XRCC5: variants seen among roughly 807,000 people sequenced by gnomAD.
The protein encoded by XRCC5 is DNA repair protein Ku80.
Under a neutral mutation model 95.7 loss-of-function variants are expected in XRCC5, and 12 were observed. That is an observed-to-expected ratio of 0.13 (90% CI 0.08 to 0.20). XRCC5 has a LOEUF of 0.20. Among genes scored for constraint, XRCC5 ranks in the 10% least tolerant of loss-of-function variants. XRCC5 has a pLI of 1.00. For synonymous variants in XRCC5, 281 were observed against 290.3 expected (o/e 0.97, Z 0.33); for missense variants, 595 against 873.9 (o/e 0.68, Z 4.02).
At chr2:216,184,032 C>CTGTGTGTGGGTGTG (rs1689443150) in intron 16 of XRCC5, among the ~76,000 whole-genome samples, 1 of 145,630 alleles carries the variant, frequency 6.9e-6, no homozygotes, top group South Asian at 2.3e-4. Flanking sequence ...TAAGTCAGCA[C>CTGTGTGTGGGTGTG]TGTGTGTGTG....
intron 16 of XRCC5, among the ~76,000 whole-genome samples, chr2:216,178,047 A>G (rs1431477972): frequency 6.6e-6 from 1 of 152,184 alleles, no homozygotes; most frequent in East Asian, 1.9e-4. Flanking sequence ...TATGAGTAAT[A>G]AACAAAAAGA....
chr2:216,192,856 CATG>C (rs1689643164), intron 18 of XRCC5, 121 bp downstream of exon 18: 4 of 661,154 alleles, frequency 6.1e-6, no homozygotes, highest in African/African-American at 1.9e-5. Flanking sequence ...ATGTGGGAAA[CATG>C]ATGACTTTCT....
chr2:216,117,040 C>A, intron 3 of XRCC5, 198 bp downstream of exon 3: 1 of 609,990 alleles, frequency 1.6e-6, no homozygotes, highest in Non-Finnish European at 2.8e-6. Context: ...CCCAGCCCTC[C>A]ACTCACTTCC....
At chr2:216,142,807 T>C (rs1345117435) in intron 13 of XRCC5, among the ~76,000 whole-genome samples, 2 of 152,152 alleles carry the variant, frequency 1.3e-5, no homozygotes, top group East Asian at 3.8e-4. Context: ...AAACTGCCTG[T>C]TTTTTTGATG....
chr2:216,164,051 A>G (rs1161728715), intron 16 of XRCC5, among the ~76,000 whole-genome samples: 1 of 152,190 alleles, frequency 6.6e-6, no homozygotes, highest in African/African-American at 2.4e-5. Context: ...TCTCTCTTTA[A>G]TGTATTGGAG....
chr2:216,195,544 A>G (rs954066093), intron 19 of XRCC5, among the ~76,000 whole-genome samples: 2 of 151,458 alleles, frequency 1.3e-5, no homozygotes, highest in Non-Finnish European at 2.9e-5. Flanking sequence ...AGGTGATTGT[A>G]TTGTATAGTG....
At chr2:216,132,506 GA>G (rs1697011686) in intron 10 of XRCC5, 119 bp downstream of exon 10, 2 of 955,130 alleles carry the variant, frequency 2.1e-6, no homozygotes, top group Non-Finnish European at 3.3e-6. Flanking sequence ...TAGGAGTGGG[GA>G]AATCCACTGA....
chr2:216,134,082 G>A (rs746877872), intron 10 of XRCC5, among the ~76,000 whole-genome samples: 2 of 152,224 alleles, frequency 1.3e-5, no homozygotes, highest in South Asian at 4.1e-4. Flanking sequence ...TTGTTTTCTT[G>A]TAAGATGATC....
intron 14 of XRCC5, among the ~76,000 whole-genome samples, chr2:216,158,678 C>T (rs1355274653): frequency 6.6e-6 from 1 of 152,130 alleles, no homozygotes; most frequent in Non-Finnish European, 1.5e-5. Flanking sequence ...ACCCTTCTGT[C>T]TTCTACTTTG....
At chr2:216,117,683 G>C in intron 3 of XRCC5, 63 bp from the exon 4 acceptor site, 1 of 1,554,862 alleles carries the variant, frequency 6.4e-7, no homozygotes, top group South Asian at 1.1e-5. Context: ...GACTTCATTG[G>C]AAAGAGTTGC....
chr2:216,166,728 G>A (rs983809629), intron 16 of XRCC5, among the ~76,000 whole-genome samples: 2 of 152,112 alleles, frequency 1.3e-5, no homozygotes, highest in South Asian at 2.1e-4. Context: ...TCAAAAGATA[G>A]ACAGCAGGTT....
At chr2:216,184,369 C>T (rs1298035507) in intron 16 of XRCC5, among the ~76,000 whole-genome samples, 1 of 152,182 alleles carries the variant, frequency 6.6e-6, no homozygotes, top group Non-Finnish European at 1.5e-5. Context: ...TTTAAATATG[C>T]TTTTGAACTT....
chr2:216,141,061 A>C, intron 12 of XRCC5, 125 bp from the exon 13 acceptor site: 1 of 1,091,010 alleles, frequency 9.2e-7, no homozygotes, highest in South Asian at 1.7e-5. Context: ...TAGCTAGAGA[A>C]TACTTTGGCA....
chr2:216,192,525 T>C, intron 17 of XRCC5, 114 bp from the exon 18 acceptor site: 3 of 579,410 alleles, frequency 5.2e-6, no homozygotes, highest in Non-Finnish European at 8.5e-6. Flanking sequence ...AAGAACATTT[T>C]ATTTTTTTGT....
At chr2:216,131,187 G>T in intron 9 of XRCC5, 200 bp downstream of exon 9, 1 of 985,314 alleles carries the variant, frequency 1.0e-6, no homozygotes, top group Non-Finnish European at 1.2e-6. Context: ...AAATCTATAT[G>T]AGCATAGCAA....
At chr2:216,190,802 G>T (rs1689601149) in intron 17 of XRCC5, among the ~76,000 whole-genome samples, 1 of 152,166 alleles carries the variant, frequency 6.6e-6, no homozygotes, top group Non-Finnish European at 1.5e-5. Context: ...CATGCCTTTT[G>T]TGTGGGTTTT....
rs895169086 is a variant in XRCC5, at chr2:216,148,423, A to G, written c.1670+147A>G. On this transcript the variant is annotated intron_variant, in intron 14 of 20. Transcript: ENST00000392132. ...TTTGCTATTTGGCCCTTATATTGAAATATTGATTTCTTATATCTGTCTGCT... is the reference window on the plus strand; with the variant it reads ...TTTGCTATTTGGCCCTTATATTGAAGTATTGATTTCTTATATCTGTCTGCT... The G allele has an allele frequency of 2.3e-5, 16 of 690,150 alleles. No individual in the cohort carries two copies. In the African/African-American group the frequency reaches 3.0e-4, roughly 13 times the overall value. The allele number at this position is 690,150 out of a possible 1,614,324, so 42.8% of individuals were successfully genotyped here. A position where few individuals can be genotyped will look rare whatever the true frequency, so the allele number is the denominator to read the frequency against.
intron 2 of XRCC5, among the ~76,000 whole-genome samples, chr2:216,115,269 G>C (rs1398795496): frequency 2.6e-5 from 4 of 152,144 alleles, no homozygotes; most frequent in Non-Finnish European, 5.9e-5. Context: ...CCAGTAACAA[G>C]AGTATAGGTG....
chr2:216,160,152 T>A lies in XRCC5; in HGVS notation c.1755T>A (p.Ser585Arg). ...GCGTCTCCAGTCTGGCTGAAGGCAG[T>A]GTCACCTCTGTAAGCTAAGCTTTTC... Reference protein sequence around the residue: ...HFSVSSLAEGSVTSVGSVNPA... With the variant: ...HFSVSSLAEGRVTSVGSVNPA... The change falls in exon 15 of 21, where the codon AGT becomes AGA. Residue 585 changes from serine (S) to arginine (R), a missense_variant. By Grantham distance (110) the Ser-to-Arg change is moderately radical. Transcript: ENST00000392132. 6.2e-7 allele frequency: 1 copy of A among 1,606,400 alleles called. No individual in the cohort carries two copies. The highest frequency in any genetic ancestry group is 8.5e-7 in the Non-Finnish European group (1 of 1,176,040).
Sources: allele counts gnomAD v4.1 joint callset (sites outside exome capture counted in the v4.1 genomes callset), GRCh38; gene constraint gnomAD v4.1.1; transcripts MANE v1.5; gene names NCBI Gene and HGNC (gene_info 2026-07-23, HGNC 2026-07-21).